Variants in ST6GALNAC5 observed in about 807,000 individuals in gnomAD.
ST6GALNAC5 encodes the protein alpha-N-acetylgalactosaminide alpha-2,6-sialyltransferase 5.
In ST6GALNAC5, 27 loss-of-function variants were observed where a neutral mutation model predicts 33.6. That is an observed-to-expected ratio of 0.80 (90% CI 0.59 to 1.11). ST6GALNAC5 has a LOEUF of 1.11. Ranked by LOEUF, ST6GALNAC5 falls within the 50% of genes least tolerant of loss-of-function variation. ST6GALNAC5 has a pLI of 0.00. For synonymous variants in ST6GALNAC5, 194 were observed against 171.2 expected (o/e 1.13, Z -1.04); for missense variants, 428 against 454.0 (o/e 0.94, Z 0.52).
At chr1:76,917,729 T>C (rs1189354706) in intron 2 of ST6GALNAC5, among the ~76,000 whole-genome samples, 1 of 152,070 alleles carries the variant, frequency 6.6e-6, no homozygotes, top group African/African-American at 2.4e-5. Flanking sequence ...TAAGAAGTCC[T>C]AAGAGCTATA....
intron 2 of ST6GALNAC5, among the ~76,000 whole-genome samples, chr1:76,970,113 G>C (rs1399933821): frequency 2.6e-5 from 4 of 152,042 alleles, no homozygotes; most frequent in African/African-American, 9.7e-5. Context: ...GAGCAGAAAA[G>C]CTGAAAACTC....
chr1:76,963,542 G>T (rs1648333160), intron 2 of ST6GALNAC5, among the ~76,000 whole-genome samples: 1 of 152,194 alleles, frequency 6.6e-6, no homozygotes, highest in Non-Finnish European at 1.5e-5. Context: ...CAAATCACAA[G>T]CCTGGTCTGG....
At chr1:77,045,261 A>G (rs915451150) in intron 3 of ST6GALNAC5, among the ~76,000 whole-genome samples, 5 of 152,242 alleles carry the variant, frequency 3.3e-5, no homozygotes, top group Non-Finnish European at 5.9e-5. Context: ...AGTAATGGGA[A>G]GAATGGGATA....
intron 2 of ST6GALNAC5, among the ~76,000 whole-genome samples, chr1:76,981,115 C>A (rs1052862533): frequency 6.6e-6 from 1 of 152,180 alleles, no homozygotes; most frequent in Non-Finnish European, 1.5e-5. Context: ...AACTGAGGTA[C>A]CTGGTTCATC....
chr1:76,978,940 A>T (rs1484833872), intron 2 of ST6GALNAC5, among the ~76,000 whole-genome samples: 1 of 152,222 alleles, frequency 6.6e-6, no homozygotes. Context: ...TACAGAATAC[A>T]AATCAACATA....
chr1:76,870,136 A>C (rs1653466163), intron 2 of ST6GALNAC5, among the ~76,000 whole-genome samples: 1 of 152,198 alleles, frequency 6.6e-6, no homozygotes, highest in Non-Finnish European at 1.5e-5. Context: ...CAAAAGCAGA[A>C]GGCTATCAAT....
intron 2 of ST6GALNAC5, among the ~76,000 whole-genome samples, chr1:77,042,363 A>G (rs991253208): frequency 6.6e-6 from 1 of 152,110 alleles, no homozygotes; most frequent in African/African-American, 2.4e-5. Flanking sequence ...TCCTTTACTG[A>G]CCACTGTCCC....
chr1:77,052,433 G>A (rs1024673386), intron 4 of ST6GALNAC5, among the ~76,000 whole-genome samples: 4 of 152,092 alleles, frequency 2.6e-5, no homozygotes, highest in Admixed American at 2.6e-4. Flanking sequence ...GTAAAATGGG[G>A]ATAAGAAAAT....
intron 2 of ST6GALNAC5, among the ~76,000 whole-genome samples, chr1:76,893,729 C>T (rs1355872321): frequency 1.3e-5 from 2 of 152,136 alleles, no homozygotes; most frequent in Admixed American, 6.5e-5. Context: ...GGCGCGATCT[C>T]GGCTCACTGC....
Position 77,044,333 on chromosome 1 carries a change from T to C in ST6GALNAC5, c.391T>C (p.Tyr131His). 1 of 1,613,972 alleles carries C rather than the reference T, an allele frequency of 6.2e-7. No homozygotes were observed. The highest frequency in any genetic ancestry group is 2.2e-5 in the East Asian group (1 of 44,854). ...CATGAATGACGCCCCCACACGCGGC[T>C]ATGGGCGTGACGTGGGCAATCGCAC... ...IRMNDAPTRG[Y>H]GRDVGNRTSL... Residue 131 changes from tyrosine (Y) to histidine (H), a missense_variant, in exon 3 of 5, where the codon TAT becomes CAT. Tyr to His is a moderately conservative substitution (Grantham distance 83). Coordinates refer to ENST00000477717, the MANE Select transcript of ST6GALNAC5 (RefSeq NM_030965.3).
chr1:77,005,340 G>C (rs932122617), intron 2 of ST6GALNAC5, among the ~76,000 whole-genome samples: 45 of 152,314 alleles, frequency 3.0e-4, no homozygotes, highest in African/African-American at 1.1e-3. Flanking sequence ...GCCTCGCCCT[G>C]CTTCGGCTCG....
intron 2 of ST6GALNAC5, among the ~76,000 whole-genome samples, chr1:76,982,153 G>C (rs1649281812): frequency 6.6e-6 from 1 of 152,192 alleles, no homozygotes; most frequent in African/African-American, 2.4e-5. Flanking sequence ...AAGCTGGATG[G>C]AGAATGACTT....
At chr1:76,999,704 T>C (rs1227054823) in intron 2 of ST6GALNAC5, among the ~76,000 whole-genome samples, 1 of 145,682 alleles carries the variant, frequency 6.9e-6, no homozygotes, top group East Asian at 2.1e-4. Flanking sequence ...TGTGATCTCA[T>C]TGTTCAATTC....
chr1:77,053,806 T>C (rs769219104), intron 4 of ST6GALNAC5, among the ~76,000 whole-genome samples: 19 of 152,182 alleles, frequency 1.2e-4, no homozygotes, highest in Non-Finnish European at 2.8e-4. Context: ...TGGATGCTCA[T>C]TGGCGCATTT....
chr1:76,970,284 T>A (rs1648692554), intron 2 of ST6GALNAC5, among the ~76,000 whole-genome samples: 1 of 151,804 alleles, frequency 6.6e-6, no homozygotes, highest in Admixed American at 6.6e-5. Context: ...TTCGAATCCA[T>A]CACAAGAAAG....
chr1:77,037,745 C>T (rs1393140576), intron 2 of ST6GALNAC5, among the ~76,000 whole-genome samples: 1 of 151,916 alleles, frequency 6.6e-6, no homozygotes, highest in Admixed American at 6.6e-5. Flanking sequence ...AACTTAAGAG[C>T]TAAGAGTGCT....
At chr1:76,918,616 C>CAAAA (rs5775368) in intron 2 of ST6GALNAC5, among the ~76,000 whole-genome samples, 19 of 76,474 alleles carry the variant, frequency 2.5e-4, no homozygotes, top group African/African-American at 3.9e-4. Flanking sequence ...GACTCCATCT[C>CAAAA]AAAAAAAAAA....
chr1:76,887,894 T>C (rs1471147751), intron 2 of ST6GALNAC5, among the ~76,000 whole-genome samples: 1 of 152,174 alleles, frequency 6.6e-6, no homozygotes, highest in Non-Finnish European at 1.5e-5. Flanking sequence ...ATAGGTTCTC[T>C]TTTATCATAA....
chr1:77,044,190 C>CCCCTGCCTT lies in ST6GALNAC5; in HGVS notation c.262-11_262-3dup, dbSNP rs758099472. The CCCCTGCCTT allele has an allele frequency of 1.3e-6, 2 of 1,582,486 alleles. No individual in the cohort carries two copies. The highest frequency in any genetic ancestry group is 2.3e-5 in the South Asian group (2 of 85,804). On this transcript the variant is annotated splice_polypyrimidine_tract_variant and intron_variant, in intron 2 of 4. Transcript: ENST00000477717. Reference sequence around the variant, plus strand: ...CTTTGCCCCTGACAGTGTCCTTCTCCCCCTGCCTTCCAGCCCCTGAAAATG... The same window carrying CCCCTGCCTT: ...CTTTGCCCCTGACAGTGTCCTTCTCCCCCTGCCTTCCCTGCCTTCCAGCCCCTGAAAATG...
Sources: allele counts gnomAD v4.1 joint callset (sites outside exome capture counted in the v4.1 genomes callset), GRCh38; gene constraint gnomAD v4.1.1; transcripts MANE v1.5; gene names NCBI Gene and HGNC (gene_info 2026-07-23, HGNC 2026-07-21).